The following CCBE1 variants were observed in gnomAD, a reference collection of about 807,000 sequenced individuals.
CCBE1 encodes the protein collagen and calcium binding EGF domains 1.
In CCBE1, 37 loss-of-function variants were observed where a neutral mutation model predicts 50.0. The observed-to-expected ratio is 0.74, with a 90% CI of 0.57 to 0.97. The LOEUF (loss-of-function observed/expected upper bound fraction) is 0.97, where lower values mean the gene tolerates loss of function less well. Among genes scored for constraint, CCBE1 ranks in the 50% least tolerant of loss-of-function variants. The pLI is 0.00. For synonymous variants in CCBE1, 234 were observed against 203.7 expected (o/e 1.15, Z -1.27); for missense variants, 538 against 523.8 (o/e 1.03, Z -0.26).
intron 2 of CCBE1, among the ~76,000 whole-genome samples, chr18:59,524,037 C>T (rs1914715018): frequency 6.6e-6 from 1 of 152,174 alleles, no homozygotes; most frequent in South Asian, 2.1e-4. Context: ...AAGCATTATT[C>T]AGGCCGGGCT....
chr18:59,491,935 C>T (rs1019739319), intron 2 of CCBE1, among the ~76,000 whole-genome samples: 1 of 151,638 alleles, frequency 6.6e-6, no homozygotes, highest in African/African-American at 2.4e-5. Flanking sequence ...TGCCTGAGCT[C>T]AGGAGTTCGA....
intron 2 of CCBE1, among the ~76,000 whole-genome samples, chr18:59,606,999 C>A (rs1278266676): frequency 1.3e-5 from 2 of 148,650 alleles, no homozygotes; most frequent in South Asian, 4.2e-4. Context: ...GTGACCGGTG[C>A]AGGGCCTGGC....
intron 2 of CCBE1, among the ~76,000 whole-genome samples, chr18:59,503,586 C>T (rs1913728917): frequency 1.3e-5 from 2 of 152,334 alleles, no homozygotes; most frequent in Middle Eastern, 3.4e-3. Flanking sequence ...AACCTACCTT[C>T]GTTCAGACCT....
At chr18:59,586,942 C>T (rs1305738864) in intron 2 of CCBE1, among the ~76,000 whole-genome samples, 1 of 152,048 alleles carries the variant, frequency 6.6e-6, no homozygotes, top group Non-Finnish European at 1.5e-5. Flanking sequence ...TTCCATGAGT[C>T]TGGAGATCAG....
intron 2 of CCBE1, among the ~76,000 whole-genome samples, chr18:59,629,115 C>T (rs2053822140): frequency 1.3e-5 from 2 of 152,186 alleles, no homozygotes; most frequent in Non-Finnish European, 2.9e-5. Context: ...GCTCCCATGC[C>T]TCTTGGAGTA....
rs183672911 is a variant in CCBE1, at chr18:59,436,218, G to A, written c.988-77C>T. 14 of 1,281,354 alleles carry A rather than the reference G, an allele frequency of 1.1e-5. No individual in the cohort carries two copies. In the African/African-American group the frequency reaches 2.0e-4, roughly 19 times the overall value. The allele number at this position is 1,281,354 out of a possible 1,614,324, so 79.4% of individuals were successfully genotyped here. ...CCGGGGCTCCATGACTTGACCTGCT[G>A]CTTGCTGGCAACTACTTTCTCAATA... On this transcript the variant is annotated intron_variant, in intron 10 of 10. Transcript: ENST00000439986.
Position 59,644,093 on chromosome 18 carries a change from C to A in CCBE1, c.212+52536G>T, listed in dbSNP as rs546629776. 2.0e-5 allele frequency among the ~76,000 whole-genome samples: 3 copies of A among 152,264 alleles called. No homozygotes were observed. The South Asian group carries it at 6.2e-4, about 32-fold the overall frequency. On this transcript the variant is annotated intron_variant, in intron 2 of 10. Coordinates refer to ENST00000439986, the MANE Select transcript of CCBE1 (RefSeq NM_133459.4). ...AGGGTTTAAGGGAGGCCCAGGGGGA[C>A]AGTTTTGGGATGAAACTGTTCCGCC...
chr18:59,521,548 G>A (rs925833214), intron 2 of CCBE1, among the ~76,000 whole-genome samples: 5 of 152,142 alleles, frequency 3.3e-5, no homozygotes, highest in Non-Finnish European at 4.4e-5. Context: ...CTTCTGTGGA[G>A]TCTGTTCCCT....
intron 2 of CCBE1, among the ~76,000 whole-genome samples, chr18:59,502,434 C>T (rs1400349540): frequency 1.4e-5 from 2 of 145,350 alleles, no homozygotes; most frequent in African/African-American, 5.3e-5. Context: ...AATCCACCCC[C>T]ACTACCCCTA....
intron 2 of CCBE1, among the ~76,000 whole-genome samples, chr18:59,643,745 CGCAGGGGTAGACGTT>C (rs1416559098): frequency 6.9e-6 from 1 of 145,694 alleles, no homozygotes; most frequent in Non-Finnish European, 1.5e-5. Flanking sequence ...CGTTTGAACC[CGCAGGGGTAGACGTT>C]GCAATGAGCC....
intron 2 of CCBE1, among the ~76,000 whole-genome samples, chr18:59,678,673 C>G (rs543693125): frequency 0.042 from 6,456 of 152,230 alleles, 322 homozygotes; most frequent in African/African-American, 0.11. Context: ...ACAGGGATTA[C>G]AGGTGCCCAC....
chr18:59,665,179 C>CA (rs1183508798), intron 2 of CCBE1, among the ~76,000 whole-genome samples: 2 of 124,770 alleles, frequency 1.6e-5, no homozygotes, highest in African/African-American at 6.6e-5. Flanking sequence ...CCAGAGTCCC[C>CA]CCGAGACAAA....
intron 2 of CCBE1, among the ~76,000 whole-genome samples, chr18:59,549,102 C>CAAAAAAAAA: frequency 8.6e-6 from 1 of 115,796 alleles, no homozygotes; most frequent in Non-Finnish European, 1.7e-5. Context: ...GACTCCGTCT[C>CAAAAAAAAA]AAAAAAAAAA....
chr18:59,597,111 G>C (rs1410477850), intron 2 of CCBE1, among the ~76,000 whole-genome samples: 1 of 152,234 alleles, frequency 6.6e-6, no homozygotes, highest in Non-Finnish European at 1.5e-5. Context: ...GTGGTTATGA[G>C]CCTGGCTCTG....
chr18:59,455,959 G>A (rs529511332), intron 5 of CCBE1, among the ~76,000 whole-genome samples: 49 of 152,318 alleles, frequency 3.2e-4, no homozygotes, highest in Middle Eastern at 3.4e-3. Flanking sequence ...CGGGTAATGC[G>A]TGACCATCTC....
At chr18:59,440,813 T>C (rs1051485401) in intron 7 of CCBE1, among the ~76,000 whole-genome samples, 4 of 152,154 alleles carry the variant, frequency 2.6e-5, no homozygotes, top group African/African-American at 9.7e-5. Context: ...GCAGGAGAAC[T>C]GAAAATGTCC....
chr18:59,455,024 A>C lies in CCBE1; in HGVS notation c.554-73T>G, dbSNP rs1568148046. The C allele has an allele frequency of 9.1e-6, 11 of 1,206,842 alleles. No individual in the cohort carries two copies. In the East Asian group the frequency reaches 2.3e-4, roughly 26 times the overall value. The allele number at this position is 1,206,842 out of a possible 1,614,324, so 74.8% of individuals were successfully genotyped here. ...CCAGACCCAGAGAGACAGCATCGGG[A>C]AGGGCGGTCCCAGGGACAGAGTAGC... On this transcript the variant is annotated intron_variant, in intron 5 of 10. Transcript: ENST00000439986.
Position 59,431,068 on chromosome 18 carries a change from T to A in CCBE1, c.*4840A>T, listed in dbSNP as rs1909931561. 6.6e-6 allele frequency: 1 copy of A among 152,238 alleles called. No individual in the cohort carries two copies. Among genetic ancestry groups the A allele is most frequent in the African/African-American group, 2.4e-5 (1 of 41,470 alleles). The allele number at this position is 152,238 out of a possible 1,614,324, so 9.4% of individuals were successfully genotyped here. A position where few individuals can be genotyped will look rare whatever the true frequency, so the allele number is the denominator to read the frequency against. On this transcript the variant is annotated 3_prime_UTR_variant, in exon 11 of 11. Transcript: ENST00000439986. ...TGTTACAAATAATGAACAACAGAGC[T>A]ACTCCAGTATATGACTAGTCACTGT... is the stretch of plus-strand genomic sequence containing the variant.
intron 2 of CCBE1, among the ~76,000 whole-genome samples, chr18:59,606,603 G>C (rs1181185622): frequency 6.6e-6 from 1 of 152,026 alleles, no homozygotes; most frequent in Non-Finnish European, 1.5e-5. Context: ...GGGGCCCCAG[G>C]GTGACATAAA....
Sources: gnomAD v4.1 joint callset for allele counts (sites outside exome capture counted in the v4.1 genomes callset) on GRCh38, gnomAD v4.1.1 for gene constraint, MANE v1.5 for transcripts, NCBI Gene and HGNC (gene_info 2026-07-23, HGNC 2026-07-21) for gene names.